The following TENM4 variants were observed in gnomAD, a reference collection of about 807,000 sequenced individuals.
The protein encoded by TENM4 is teneurin-4.
A neutral mutation model predicts 243.3 loss-of-function variants in TENM4; 82 were observed. That is an observed-to-expected ratio of 0.34 (90% confidence interval 0.28 to 0.40). The LOEUF is 0.40. Ranked by LOEUF, TENM4 falls within the 10% of genes least tolerant of loss-of-function variation. The pLI, the probability that TENM4 is intolerant of heterozygous loss-of-function variation, is 1.00. For missense variants in TENM4, 3,138 were observed against 3,673.3 expected (o/e 0.85, Z 3.77); for synonymous variants, 1,412 against 1,456.3 (o/e 0.97, Z 0.69).
At chr11:79,218,199 C>T (rs952933538) in intron 2 of TENM4, among the ~76,000 whole-genome samples, 5 of 151,784 alleles carry the variant, frequency 3.3e-5, no homozygotes, top group African/African-American at 9.7e-5. Flanking sequence ...ATTTTTATTA[C>T]CCTGCCTTGT....
In TENM4 at chr11:79,440,036, C is replaced by T. The variant is rs1184978398; in HGVS notation, c.-321+473G>A. On this transcript the variant is annotated intron_variant, in intron 1 of 33. Transcript: ENST00000278550. This position sits in a 1 kb window ranked among gnomAD's most constrained non-coding sequence, Gnocchi z 4.7. ...CCGTGCGGGGCTGCTGCAGCCGGCA[C>T]TTGCCCCGCAGGGCAGGCTGCAGCC... Among the ~76,000 whole-genome samples the T allele has an allele frequency of 6.6e-6, 1 of 152,092 alleles. No individual in the cohort carries two copies. Among genetic ancestry groups the T allele is most frequent in the East Asian group, 2.0e-4 (1 of 5,126 alleles).
chr11:79,252,458 C>G (rs755444449), intron 2 of TENM4, among the ~76,000 whole-genome samples: 1 of 152,112 alleles, frequency 6.6e-6, no homozygotes, highest in Non-Finnish European at 1.5e-5. Flanking sequence ...AGGCTGGCCT[C>G]GAACTCCTGA....
chr11:79,282,720 G>C (rs1856178200), intron 2 of TENM4, among the ~76,000 whole-genome samples: 1 of 152,128 alleles, frequency 6.6e-6, no homozygotes, highest in Non-Finnish European at 1.5e-5. Flanking sequence ...TGTTCAGCAT[G>C]TGGTCCAGAG....
intron 1 of TENM4, among the ~76,000 whole-genome samples, chr11:79,307,707 G>T (rs1002504803): frequency 6.6e-6 from 1 of 152,048 alleles, no homozygotes; most frequent in Non-Finnish European, 1.5e-5. Flanking sequence ...TCCATTCTGC[G>T]TGACCCTGGG....
intron 12 of TENM4, among the ~76,000 whole-genome samples, chr11:78,827,293 T>G (rs1477435921): frequency 6.6e-6 from 1 of 152,076 alleles, no homozygotes; most frequent in East Asian, 1.9e-4. Flanking sequence ...AAGGATCCAA[T>G]TGCCCTTTTC....
chr11:78,891,838 A>T (rs536666777), intron 7 of TENM4, among the ~76,000 whole-genome samples: 2 of 152,300 alleles, frequency 1.3e-5, no homozygotes, highest in East Asian at 3.9e-4. Context: ...AACAGTGGCT[A>T]GAGACACTCA....
chr11:78,722,667 C>A lies in TENM4; in HGVS notation c.3800+1G>T. On this transcript the variant is annotated splice_donor_variant, in intron 24 of 33. Coordinates refer to ENST00000278550, the MANE Select transcript of TENM4 (RefSeq NM_001098816.3). LOFTEE classifies it high-confidence loss of function. ...TATGAAGAAAGCATCACCTTACATA[C>A]CTCAGCTCTAGGATGTTGGTGACAT... 6.2e-7 allele frequency: 1 copy of A among 1,611,176 alleles called. No individual in the cohort carries two copies. The highest frequency in any genetic ancestry group is 1.1e-5 in the South Asian group (1 of 91,018).
At chr11:78,819,447 G>A (rs1857678981) in intron 12 of TENM4, among the ~76,000 whole-genome samples, 1 of 152,166 alleles carries the variant, frequency 6.6e-6, no homozygotes, top group Non-Finnish European at 1.5e-5. Flanking sequence ...CTATTAGGAG[G>A]ACTACCTGGA....
chr11:79,379,422 G>A (rs940775260), intron 1 of TENM4, among the ~76,000 whole-genome samples: 4 of 152,168 alleles, frequency 2.6e-5, no homozygotes, highest in Admixed American at 6.5e-5. Flanking sequence ...CTGTACTAGC[G>A]TAGAGTGGAA....
At chr11:79,023,397 T>A (rs2136816096) in intron 6 of TENM4, among the ~76,000 whole-genome samples, 1 of 151,836 alleles carries the variant, frequency 6.6e-6, no homozygotes, top group South Asian at 2.1e-4. Context: ...CCGTCTCTAC[T>A]AAAAAAATAC....
intron 1 of TENM4, among the ~76,000 whole-genome samples, chr11:79,412,487 G>A (rs1205625234): frequency 2.6e-5 from 4 of 152,156 alleles, no homozygotes; most frequent in Non-Finnish European, 5.9e-5. Flanking sequence ...TGAATTATCT[G>A]GAATCAAGTC....
intron 11 of TENM4, among the ~76,000 whole-genome samples, chr11:78,854,546 A>AT (rs1858627556): frequency 6.6e-6 from 1 of 151,020 alleles, no homozygotes; most frequent in East Asian, 1.9e-4. Context: ...TTAGAGGATT[A>AT]TTTTTTAGTC....
At chr11:79,124,893 ATGTGTG>A (rs71050209) in intron 4 of TENM4, among the ~76,000 whole-genome samples, 25 of 111,740 alleles carry the variant, frequency 2.2e-4, no homozygotes, top group East Asian at 1.2e-3. Context: ...GTATATGTAT[ATGTGTG>A]TGTGTGTGTG....
chr11:79,329,176 C>T (rs557236224), intron 1 of TENM4, among the ~76,000 whole-genome samples: 2 of 152,292 alleles, frequency 1.3e-5, no homozygotes, highest in African/African-American at 4.8e-5. Flanking sequence ...TTTTCCTTTT[C>T]CCTCATGGCA....
chr11:79,208,874 G>T (rs767563537), intron 3 of TENM4, among the ~76,000 whole-genome samples: 2 of 152,202 alleles, frequency 1.3e-5, no homozygotes, highest in Non-Finnish European at 2.9e-5. Context: ...TCTACCAGGG[G>T]AATTTTCACA....
At position 78,670,154 on chromosome 11, in the gene TENM4, A is replaced by G; in HGVS notation, c.6191T>C (p.Ile2064Thr). 1 of 1,613,958 alleles carries G rather than the reference A, an allele frequency of 6.2e-7. No individual in the cohort carries two copies. The highest frequency in any genetic ancestry group is 8.5e-7 in the Non-Finnish European group (1 of 1,179,886). ...AGTGAAGCGGAAGATCTGTCGGTCA[A>G]TCAGGGGCCCAATCTGACGGTAGCG... ...TIRYRQIGPL[I>T]DRQIFRFTEE... Residue 2064 changes from isoleucine to threonine, a missense_variant, in exon 32 of 34, where the codon ATT becomes ACT. This residue lies in a region of TENM4 where 2,467 missense variants were observed against 3,059.1 expected (regional missense o/e 0.81). Transcript: ENST00000278550.
chr11:78,729,232 C>T lies in TENM4; in HGVS notation c.3406+144G>A. 4.6e-6 allele frequency: 4 copies of T among 872,878 alleles called. No homozygotes were observed. The African/African-American group carries it at 5.1e-5, about 11-fold the overall frequency. The allele number at this position is 872,878 out of a possible 1,614,324, so 54.1% of individuals were successfully genotyped here. A position where few individuals can be genotyped will look rare whatever the true frequency, so the allele number is the denominator to read the frequency against. ...CAGTTCACATTCTTTTAGGTCCTGG[C>T]CAGTCACGGACAGGTCTTAAAGGTC... is the stretch of plus-strand genomic sequence containing the variant. On this transcript the variant is annotated intron_variant, in intron 22 of 33. Transcript: ENST00000278550.
intron 6 of TENM4, among the ~76,000 whole-genome samples, chr11:78,998,004 A>T (rs1426831321): frequency 6.6e-6 from 1 of 152,196 alleles, no homozygotes; most frequent in Non-Finnish European, 1.5e-5. Flanking sequence ...GCTGCTGTCT[A>T]TTAGCCAGAA....
intron 6 of TENM4, among the ~76,000 whole-genome samples, chr11:78,919,542 G>GT (rs999916296): frequency 2.6e-5 from 4 of 152,214 alleles, no homozygotes; most frequent in Admixed American, 6.5e-5. Flanking sequence ...AAGTGGCACT[G>GT]TTTTTTTCCG....
Sources: allele counts gnomAD v4.1 joint callset (sites outside exome capture counted in the v4.1 genomes callset), GRCh38; gene constraint gnomAD v4.1.1; regional missense constraint gnomAD v4.1.1; non-coding constraint Gnocchi (gnomAD v3.1); transcripts MANE v1.5; gene names NCBI Gene and HGNC (gene_info 2026-07-23, HGNC 2026-07-21).